The following ADRA1A variants were observed in gnomAD, a reference collection of about 807,000 sequenced individuals.
The protein encoded by ADRA1A is alpha-1A adrenergic receptor.
ADRA1A carries 31 observed loss-of-function variants against 29.6 expected under a neutral mutation model. That is an observed-to-expected ratio of 1.05 (90% CI 0.79 to 1.41). ADRA1A has a LOEUF of 1.41. Among genes scored for constraint, ADRA1A ranks in the 40% most tolerant of loss-of-function variants. The probability of loss-of-function intolerance (pLI) is 0.00; values close to 1 mark genes in which losing one functional copy is unlikely to be tolerated. For synonymous variants in ADRA1A, 311 were observed against 254.3 expected, an observed-to-expected ratio of 1.22 and a Z score of -2.12; for missense variants, 619 against 601.1, an observed-to-expected ratio of 1.03 and a Z score of -0.31.
intron 2 of ADRA1A, among the ~76,000 whole-genome samples, chr8:26,790,763 T>A (rs1403450463): frequency 6.6e-6 from 1 of 152,102 alleles, no homozygotes; most frequent in Non-Finnish European, 1.5e-5. Context: ...AGAAATAAAA[T>A]AAAAATAAAT....
chr8:26,792,647 T>C (rs71519614), intron 2 of ADRA1A, among the ~76,000 whole-genome samples: 4,793 of 147,900 alleles, frequency 0.032, 157 homozygotes, highest in African/African-American at 0.083. Flanking sequence ...CTTTATGTAG[T>C]AAATGTTTAC....
chr8:26,770,206 T>G lies in ADRA1A; in HGVS notation c.1344A>C (p.Gln448His). The change falls in exon 3 of 3, where the codon CAA (glutamine) becomes CAC (histidine). Residue 448 changes from glutamine to histidine, a missense_variant. Physicochemically the swap from Gln to His is conservative, Grantham distance 24. Transcript: ENST00000380573. ...TGGTGTGGACCTTAATGGTTGGAAC[T>G]TGATGGTTCTTGTCAAGGCTGGGGG... ...PSTPSLDKNH[Q>H]VPTIKVHTIS... The G allele has an allele frequency of 6.2e-7, 1 of 1,600,884 alleles. No homozygotes were observed. Among genetic ancestry groups the G allele is most frequent in the South Asian group, 1.1e-5 (1 of 88,458 alleles).
chr8:26,851,729 A>G (rs967433030), intron 2 of ADRA1A, among the ~76,000 whole-genome samples: 10 of 152,204 alleles, frequency 6.6e-5, no homozygotes, highest in Non-Finnish European at 1.2e-4. Flanking sequence ...TCTTTTATGC[A>G]TGAAGCAAAA....
At chr8:26,791,524 A>G (rs1807834400) in intron 2 of ADRA1A, among the ~76,000 whole-genome samples, 1 of 152,098 alleles carries the variant, frequency 6.6e-6, no homozygotes, top group South Asian at 2.1e-4. Flanking sequence ...GCAGCAGCTG[A>G]TCTAATTTTC....
chr8:26,866,049 G>C lies in ADRA1A; in HGVS notation c.-686-394C>G, dbSNP rs1813887155. Among the ~76,000 whole-genome samples, 2 of 152,194 alleles carry C rather than the reference G, an allele frequency of 1.3e-5. 1 individual carries two copies. Among genetic ancestry groups the C allele is most frequent in the South Asian group, 4.1e-4 (2 of 4,832 alleles). On this transcript the variant is annotated intron_variant, in intron 1 of 2. Coordinates refer to ENST00000380573, the MANE Select transcript of ADRA1A (RefSeq NM_000680.4). The surrounding 1 kb of genome is among the most constrained non-coding windows in gnomAD (Gnocchi z 5.7). The stretch of plus-strand genomic sequence containing the variant: ...CACGGATCCTAGCCGGGGAATTCTG[G>C]AGGATGTACTCGGTTTCCGTTAGAA...
Position 26,864,662 on chromosome 8 carries a change from G to T in ADRA1A, c.308C>A (p.Ala103Glu), listed in dbSNP as rs1212095943. 5.0e-6 allele frequency: 8 copies of T among 1,614,144 alleles called. No individual in the cohort carries two copies. In the East Asian group the frequency reaches 1.6e-4, roughly 31 times the overall value. ...GGTGCAGCACAGCACATCCACTGCC[G>T]CCCAGATGTTGCAGAAGACCCTGCC... Reference protein sequence around the residue: ...AFGRVFCNIWAAVDVLCCTAS... With the variant: ...AFGRVFCNIWEAVDVLCCTAS... The change falls in exon 2 of 3, where the codon GCG becomes GAG. Residue 103 changes from alanine (A) to glutamate (E), a missense_variant. Physicochemically the swap from Ala to Glu is moderately radical, Grantham distance 107 (BLOSUM62 -1). Coordinates refer to ENST00000380573, the MANE Select transcript of ADRA1A (RefSeq NM_000680.4). This position sits in a 1 kb window ranked among gnomAD's most constrained non-coding sequence, Gnocchi z 8.1.
At chr8:26,766,159 C>CAAAA, downstream of ADRA1A, 1 of 1,557,404 alleles carries the variant, frequency 6.4e-7, no homozygotes, top group Non-Finnish European at 8.8e-7. Flanking sequence ...TCTGTCCAAA[C>CAAAA]AAAAAAAAAG....
intron 2 of ADRA1A, among the ~76,000 whole-genome samples, chr8:26,859,554 T>G (rs180798419): frequency 6.6e-6 from 1 of 152,216 alleles, no homozygotes; most frequent in Non-Finnish European, 1.5e-5. Flanking sequence ...TTGAGGGCAC[T>G]GTGTTTTATT....
intron 2 of ADRA1A, among the ~76,000 whole-genome samples, chr8:26,757,395 G>C (rs1281805394): frequency 6.6e-6 from 1 of 152,078 alleles, no homozygotes; most frequent in Admixed American, 6.6e-5. Flanking sequence ...CTTAAAGGGT[G>C]CCCCAGAAAT....
At chr8:26,777,041 G>T (rs1008924886) in intron 2 of ADRA1A, among the ~76,000 whole-genome samples, 1 of 152,136 alleles carries the variant, frequency 6.6e-6, no homozygotes, top group East Asian at 1.9e-4. Flanking sequence ...GAAGAAAACT[G>T]CCCCATCAAA....
downstream of ADRA1A, among the ~76,000 whole-genome samples, chr8:26,764,114 G>A (rs1805648845): frequency 6.6e-6 from 1 of 152,168 alleles, no homozygotes; most frequent in East Asian, 1.9e-4. Context: ...CATGCCAAGT[G>A]CAGGGCGGGG....
intron 2 of ADRA1A, among the ~76,000 whole-genome samples, chr8:26,840,223 G>A (rs1209133966): frequency 6.6e-6 from 1 of 152,214 alleles, no homozygotes; most frequent in Non-Finnish European, 1.5e-5. Context: ...TGCAGCTGGA[G>A]GTTTGACTTT....
At chr8:26,789,227 A>G (rs1333442441) in intron 2 of ADRA1A, among the ~76,000 whole-genome samples, 2 of 152,234 alleles carry the variant, frequency 1.3e-5, no homozygotes, top group African/African-American at 4.8e-5. Context: ...AAAAGAACAA[A>G]GCTAGAGGCA....
At chr8:26,863,385 G>A (rs560786255) in intron 2 of ADRA1A, among the ~76,000 whole-genome samples, 13 of 152,084 alleles carry the variant, frequency 8.5e-5, no homozygotes, top group African/African-American at 2.9e-4. Context: ...GCAACTTCCC[G>A]GATGATTTTG....
At chr8:26,852,041 CT>C (rs1257104329) in intron 2 of ADRA1A, among the ~76,000 whole-genome samples, 21 of 152,148 alleles carry the variant, frequency 1.4e-4, no homozygotes, top group Non-Finnish European at 2.8e-4. Context: ...CTCACACTCT[CT>C]GACCACAATG....
At chr8:26,768,208 G>A (rs1805896473), downstream of ADRA1A, among the ~76,000 whole-genome samples, 1 of 152,108 alleles carries the variant, frequency 6.6e-6, no homozygotes. Flanking sequence ...AGAATTTAAG[G>A]AAATTATCAT....
chr8:26,792,877 G>A lies in ADRA1A; in HGVS notation c.884-22211C>T, dbSNP rs538797160. On this transcript the variant is annotated intron_variant, in intron 2 of 2. Coordinates refer to ENST00000380573, the MANE Select transcript of ADRA1A (RefSeq NM_000680.4). Reference sequence around the variant, plus strand: ...ATTAAGTATGAACATGTTCAAATATGTGAATTACAAAAATAAATGTAAATG... The same window carrying A: ...ATTAAGTATGAACATGTTCAAATATATGAATTACAAAAATAAATGTAAATG... Among the ~76,000 whole-genome samples the A allele has an allele frequency of 4.0e-5, 6 of 150,798 alleles. No homozygotes were observed. The East Asian group carries it at 1.2e-3, about 29-fold the overall frequency.
chr8:26,864,480 C>T lies in ADRA1A; in HGVS notation c.490G>A (p.Gly164Ser). 2 of 1,613,752 alleles carry T rather than the reference C, an allele frequency of 1.2e-6. No individual in the cohort carries two copies. Among genetic ancestry groups the T allele is most frequent in the Non-Finnish European group, 1.7e-6 (2 of 1,180,030 alleles). Reference sequence around the variant, plus strand: ...TCCTCGGGGGCCGGCTGCCTCCAGCCGAACAGGGGTCCAATGGATATGACC... The same window carrying T: ...TCCTCGGGGGCCGGCTGCCTCCAGCTGAACAGGGGTCCAATGGATATGACC... ...SLVISIGPLF[G>S]WRQPAPEDET... The change falls in exon 2 of 3, where the codon GGC becomes AGC. Residue 164 changes from glycine to serine, a missense_variant. Physicochemically the swap from Gly to Ser is moderately conservative, Grantham distance 56. Transcript: ENST00000380573. This position sits in a 1 kb window ranked among gnomAD's most constrained non-coding sequence, Gnocchi z 8.1.
chr8:26,849,019 T>C (rs1307640018), intron 2 of ADRA1A, among the ~76,000 whole-genome samples: 1 of 152,170 alleles, frequency 6.6e-6, no homozygotes, highest in African/African-American at 2.4e-5. Context: ...GGAGCTGAAC[T>C]CTCAGGTCCT....
Sources: gnomAD v4.1 joint callset for allele counts (sites outside exome capture counted in the v4.1 genomes callset) on GRCh38, gnomAD v4.1.1 for gene constraint, Gnocchi (gnomAD v3.1) non-coding constraint, MANE v1.5 for transcripts, NCBI Gene and HGNC (gene_info 2026-07-23, HGNC 2026-07-21) for gene names.